PDIA5: variants seen among roughly 807,000 people sequenced by gnomAD.
The protein encoded by PDIA5 is protein disulfide-isomerase A5.
Under a neutral mutation model 77.6 loss-of-function variants are expected in PDIA5, and 58 were observed. The ratio of observed to expected loss-of-function variants is 0.75; its 90% confidence interval spans 0.61 to 0.93. The LOEUF (loss-of-function observed/expected upper bound fraction) is 0.93. Ranked by LOEUF, PDIA5 falls within the 40% of genes least tolerant of loss-of-function variation. PDIA5 has a pLI of 0.00. For synonymous variants in PDIA5, 250 were observed against 252.1 expected (o/e 0.99, Z 0.08); for missense variants, 630 against 647.7 (o/e 0.97, Z 0.30).
intron 14 of PDIA5, among the ~76,000 whole-genome samples, chr3:123,153,253 C>A (rs1297298544): frequency 6.6e-6 from 1 of 152,088 alleles, no homozygotes; most frequent in Non-Finnish European, 1.5e-5. Context: ...AATAGTGAAA[C>A]CAGGTTTTGA....
intron 13 of PDIA5, 145 bp from the exon 14 acceptor site, chr3:123,150,089 T>C: frequency 1.5e-6 from 1 of 668,806 alleles, no homozygotes; most frequent in Non-Finnish European, 2.6e-6. Flanking sequence ...GTTTAAACTG[T>C]GGTTTTAAAA....
At chr3:123,145,676 C>A in intron 12 of PDIA5, 84 bp downstream of exon 12, 1 of 1,160,580 alleles carries the variant, frequency 8.6e-7, no homozygotes, top group Non-Finnish European at 1.3e-6. Context: ...CCCTGCAAGC[C>A]CTGCTGCAGC....
In PDIA5 at chr3:123,120,320, C is replaced by T. The variant is rs148014668; in HGVS notation, c.610-3746C>T. On this transcript the variant is annotated intron_variant, in intron 8 of 16. Coordinates refer to ENST00000316218, the MANE Select transcript of PDIA5 (RefSeq NM_006810.4). ...TCCAAGCTCCTTAGCCTTGGAGCCT[C>T]CATTTCTCCATCTGTAAAATGGAGA... Among the ~76,000 whole-genome samples the T allele has an allele frequency of 2.8e-4, 42 of 152,286 alleles. No homozygotes were observed. In the East Asian group the frequency reaches 6.8e-3, roughly 24 times the overall value.
At chr3:123,133,664 A>G (rs1209387385) in intron 11 of PDIA5, among the ~76,000 whole-genome samples, 1 of 152,164 alleles carries the variant, frequency 6.6e-6, no homozygotes, top group African/African-American at 2.4e-5. Context: ...CTTGTTTTTA[A>G]TCAGCAACTT....
At chr3:123,122,914 C>G (rs146594852) in intron 8 of PDIA5, among the ~76,000 whole-genome samples, 1 of 152,292 alleles carries the variant, frequency 6.6e-6, no homozygotes, top group East Asian at 1.9e-4. Flanking sequence ...CGCTTCTATG[C>G]CACTCTGCTT....
At chr3:123,086,265 C>T (rs1361243764) in intron 1 of PDIA5, among the ~76,000 whole-genome samples, 1 of 152,188 alleles carries the variant, frequency 6.6e-6, no homozygotes, top group Non-Finnish European at 1.5e-5. Context: ...AATAAATTAT[C>T]CCATTTCATC....
intron 1 of PDIA5, among the ~76,000 whole-genome samples, chr3:123,080,156 G>GC (rs1933961500): frequency 6.7e-6 from 1 of 150,332 alleles, no homozygotes; most frequent in Non-Finnish European, 1.5e-5. Flanking sequence ...GGGTGTGTGT[G>GC]TGGGGGGGAT....
Position 123,089,230 on chromosome 3 carries a change from C to G in PDIA5, c.105C>G (p.Asp35Glu). ...KVSSLIERIS[D>E]PKDLKKLLRT... ...CCTCGCTCATTGAGAGAATCTCTGACCCCAAGGACTTGAAAAAACTGCTCA... is the reference window on the plus strand; with the variant it reads ...CCTCGCTCATTGAGAGAATCTCTGAGCCCAAGGACTTGAAAAAACTGCTCA... The change falls in exon 2 of 17, where the codon GAC (aspartate) becomes GAG (glutamate). Residue 35 changes from aspartate to glutamate, a missense_variant. Asp to Glu is a conservative substitution (Grantham distance 45, BLOSUM62 2). Coordinates refer to ENST00000316218, the MANE Select transcript of PDIA5 (RefSeq NM_006810.4). 6.2e-7 allele frequency: 1 copy of G among 1,613,802 alleles called. No individual in the cohort carries two copies.
intron 8 of PDIA5, among the ~76,000 whole-genome samples, chr3:123,122,500 C>G (rs781307460): frequency 1.3e-5 from 2 of 151,964 alleles, no homozygotes; most frequent in Non-Finnish European, 2.9e-5. Context: ...GTATGTGAGG[C>G]CTTGTGCTAG....
At chr3:123,114,164 G>T (rs984258590) in intron 7 of PDIA5, among the ~76,000 whole-genome samples, 3 of 152,182 alleles carry the variant, frequency 2.0e-5, no homozygotes, top group African/African-American at 7.2e-5. Context: ...GGCGAAACAG[G>T]AAGAGAGAGG....
At chr3:123,151,734 T>TCCTGCCTTCCTG (rs1935897782) in intron 14 of PDIA5, among the ~76,000 whole-genome samples, 1 of 111,474 alleles carries the variant, frequency 9.0e-6, no homozygotes, top group African/African-American at 3.6e-5. Context: ...ACTCCTTCCT[T>TCCTGCCTTCCTG]CCTGCCTGCC....
chr3:123,080,205 G>A (rs901620985), intron 1 of PDIA5, among the ~76,000 whole-genome samples: 4 of 152,140 alleles, frequency 2.6e-5, no homozygotes, highest in Admixed American at 1.3e-4. Flanking sequence ...GATGATATGG[G>A]TATGGTGTAG....
intron 5 of PDIA5, among the ~76,000 whole-genome samples, chr3:123,106,100 G>A (rs1934723535): frequency 6.6e-6 from 1 of 152,212 alleles, no homozygotes; most frequent in Admixed American, 6.5e-5. Context: ...TAGAAGAGGG[G>A]CCCCAGCATG....
At chr3:123,103,936 T>G (rs923873695) in intron 5 of PDIA5, among the ~76,000 whole-genome samples, 5 of 152,154 alleles carry the variant, frequency 3.3e-5, no homozygotes, top group Non-Finnish European at 7.4e-5. Flanking sequence ...TTTTGTTTTG[T>G]TATTGAAGGC....
intron 3 of PDIA5, among the ~76,000 whole-genome samples, chr3:123,101,415 G>A (rs1334156061): frequency 3.3e-5 from 5 of 152,210 alleles, no homozygotes; most frequent in African/African-American, 9.7e-5. Context: ...GAGGTTGTGC[G>A]TGAGTGCTTT....
At chr3:123,080,489 C>T (rs773397440) in intron 1 of PDIA5, among the ~76,000 whole-genome samples, 40 of 152,250 alleles carry the variant, frequency 2.6e-4, no homozygotes, top group Non-Finnish European at 2.2e-4. Context: ...GGAGAGTTCC[C>T]GGGCTAATTC....
intron 3 of PDIA5, among the ~76,000 whole-genome samples, chr3:123,100,180 G>A (rs1934547043): frequency 6.6e-6 from 1 of 152,224 alleles, no homozygotes; most frequent in African/African-American, 2.4e-5. Flanking sequence ...AACATCCTGA[G>A]TTGAGCCCTG....
intron 15 of PDIA5, among the ~76,000 whole-genome samples, chr3:123,156,423 G>A (rs1936020820): frequency 6.6e-6 from 1 of 152,226 alleles, no homozygotes; most frequent in Non-Finnish European, 1.5e-5. Context: ...ACTGAGTGGG[G>A]TATGGCAGCA....
chr3:123,106,688 T>A (rs1236564305), intron 5 of PDIA5, 61 bp from the exon 6 acceptor site: 9 of 1,206,400 alleles, frequency 7.5e-6, no homozygotes, highest in Non-Finnish European at 1.1e-5. Flanking sequence ...GGTTCCTGAT[T>A]CCCCCACCTC....
Sources: allele counts gnomAD v4.1 joint callset (sites outside exome capture counted in the v4.1 genomes callset), GRCh38; gene constraint gnomAD v4.1.1; transcripts MANE v1.5; gene names NCBI Gene and HGNC (gene_info 2026-07-23, HGNC 2026-07-21).